The following SAMTOR variants were observed in gnomAD, a reference collection of about 807,000 sequenced individuals.
The protein encoded by SAMTOR is UPF0532 protein C7orf60.
chr7:112,865,579 C>T, the SAMTOR span, among the ~76,000 whole-genome samples: 3 of 147,814 alleles, frequency 2.0e-5, no homozygotes, highest in African/African-American at 7.5e-5. Flanking sequence ...CCTGGTGTCC[C>T]GTCTCATTCA....
chr7:112,939,380 T>A, the SAMTOR span: 1 of 684,650 alleles, frequency 1.5e-6, no homozygotes, highest in Non-Finnish European at 2.4e-6. Context: ...CCTAGAACTC[T>A]CCCGAAGGGC....
chr7:112,898,239 G>A, the SAMTOR span, among the ~76,000 whole-genome samples: 7 of 152,218 alleles, frequency 4.6e-5, no homozygotes, highest in Non-Finnish European at 1.0e-4. Flanking sequence ...GCCAGACCAT[G>A]GCAACTGTAG....
chr7:112,897,450 T>G, the SAMTOR span, among the ~76,000 whole-genome samples: 1 of 152,164 alleles, frequency 6.6e-6, no homozygotes, highest in Non-Finnish European at 1.5e-5. Flanking sequence ...AAAATTGCAA[T>G]TTTATGTGGT....
At chr7:112,931,114 A>G in the SAMTOR span, among the ~76,000 whole-genome samples, 12 of 152,214 alleles carry the variant, frequency 7.9e-5, no homozygotes, top group Non-Finnish European at 1.8e-4. Flanking sequence ...GCACATTGGA[A>G]TCACCCAGAA....
the SAMTOR span, among the ~76,000 whole-genome samples, chr7:112,844,478 C>T: frequency 6.6e-6 from 1 of 150,450 alleles, no homozygotes; most frequent in East Asian, 2.0e-4. Context: ...CATTTCTATA[C>T]ACCAGTAAGG....
chr7:112,916,585 G>C, the SAMTOR span, among the ~76,000 whole-genome samples: 1 of 152,128 alleles, frequency 6.6e-6, no homozygotes, highest in African/African-American at 2.4e-5. Context: ...GTGCCAGACA[G>C]TGGGTGCAGG....
the SAMTOR span, among the ~76,000 whole-genome samples, chr7:112,857,505 T>A: frequency 2.4e-4 from 37 of 152,294 alleles, no homozygotes; most frequent in African/African-American, 8.7e-4. Flanking sequence ...TTAATACTAA[T>A]CTATATTAGA....
the SAMTOR span, among the ~76,000 whole-genome samples, chr7:112,928,202 C>A: frequency 6.6e-6 from 1 of 151,946 alleles, no homozygotes; most frequent in African/African-American, 2.4e-5. Context: ...CATCCAGAAG[C>A]GCAGCTCTAA....
At chr7:112,824,645 T>C in the SAMTOR span, among the ~76,000 whole-genome samples, 3 of 152,064 alleles carry the variant, frequency 2.0e-5, no homozygotes, top group East Asian at 5.8e-4. Flanking sequence ...ACAGGCATGA[T>C]CCACCACACC....
chr7:112,882,570 T>A, the SAMTOR span, among the ~76,000 whole-genome samples: 1 of 151,784 alleles, frequency 6.6e-6, no homozygotes, highest in South Asian at 2.1e-4. Context: ...GTGCCTGTAA[T>A]CCCAGCTACT....
At chr7:112,826,056 C>A in the SAMTOR span, among the ~76,000 whole-genome samples, 1 of 151,904 alleles carries the variant, frequency 6.6e-6, no homozygotes, top group Admixed American at 6.6e-5. Flanking sequence ...TTTTAAAATA[C>A]CTTGTTGGAT....
At chr7:112,926,278 G>T in the SAMTOR span, among the ~76,000 whole-genome samples, 19 of 152,238 alleles carry the variant, frequency 1.2e-4, 1 homozygote, top group African/African-American at 4.6e-4. Context: ...AATTCTTAGA[G>T]TCCTTGCCAT....
At chr7:112,876,386 A>G in the SAMTOR span, among the ~76,000 whole-genome samples, 26 of 152,154 alleles carry the variant, frequency 1.7e-4, no homozygotes, top group Admixed American at 4.6e-4. Flanking sequence ...TACAAATTCA[A>G]TTTATCCCAA....
At chr7:112,915,151 C>A in the SAMTOR span, among the ~76,000 whole-genome samples, 1 of 151,720 alleles carries the variant, frequency 6.6e-6, no homozygotes, top group African/African-American at 2.4e-5. Flanking sequence ...GGCAGAAGAA[C>A]TGATTGAACC....
the SAMTOR span, among the ~76,000 whole-genome samples, chr7:112,886,715 G>A: frequency 2.0e-5 from 3 of 152,306 alleles, no homozygotes; most frequent in East Asian, 3.9e-4. Flanking sequence ...ACTTCATACA[G>A]TGTAGCTTGG....
At chr7:112,827,411 C>A in the SAMTOR span, among the ~76,000 whole-genome samples, 1 of 152,000 alleles carries the variant, frequency 6.6e-6, no homozygotes, top group Admixed American at 6.6e-5. Flanking sequence ...TTTTATTAGC[C>A]TTGTTGGCTG....
the SAMTOR span, among the ~76,000 whole-genome samples, chr7:112,910,630 T>C: frequency 1.3e-3 from 194 of 152,218 alleles, 1 homozygote; most frequent in African/African-American, 4.5e-3. Flanking sequence ...ACATTTAGTA[T>C]CTCTAATGGC....
At chr7:112,868,623 C>A in the SAMTOR span, among the ~76,000 whole-genome samples, 2 of 152,200 alleles carry the variant, frequency 1.3e-5, no homozygotes, top group African/African-American at 4.8e-5. Flanking sequence ...GAGGAGGACA[C>A]CATTTCAAAT....
At chr7:112,884,896 C>T in the SAMTOR span, among the ~76,000 whole-genome samples, 24 of 152,362 alleles carry the variant, frequency 1.6e-4, no homozygotes, top group South Asian at 1.9e-3. Flanking sequence ...AGAGGTTCTC[C>T]ATGAGGGTTC....
Sources: allele counts gnomAD v4.1 joint callset (sites outside exome capture counted in the v4.1 genomes callset), GRCh38; gene constraint gnomAD v4.1.1; transcripts MANE v1.5; gene names NCBI Gene and HGNC (gene_info 2026-07-23, HGNC 2026-07-21).